CACNA1C: variants seen among roughly 807,000 people sequenced by gnomAD.
The protein encoded by CACNA1C is calcium voltage-gated channel subunit alpha1 C.
A neutral mutation model predicts 229.0 loss-of-function variants in CACNA1C; 30 were observed. That is an observed-to-expected ratio of 0.13 (90% CI 0.10 to 0.18). The LOEUF (loss-of-function observed/expected upper bound fraction) is 0.18, where lower values mean the gene tolerates loss of function less well. Among genes scored for constraint, CACNA1C ranks in the 10% least tolerant of loss-of-function variants. The pLI is 1.00. For synonymous variants in CACNA1C, 1,114 were observed against 1,132.5 expected (o/e 0.98, Z 0.33); for missense variants, 1,658 against 2,845.0 (o/e 0.58, Z 9.49).
chr12:2,160,540 G>A (rs1047416835), intron 3 of CACNA1C, among the ~76,000 whole-genome samples: 1 of 152,112 alleles, frequency 6.6e-6, no homozygotes, highest in Non-Finnish European at 1.5e-5. Flanking sequence ...AGTAGTTTGC[G>A]TCTTGAAGAA....
At chr12:2,577,891 CGG>C (rs2059017489) in intron 13 of CACNA1C, among the ~76,000 whole-genome samples, 1 of 145,678 alleles carries the variant, frequency 6.9e-6, no homozygotes. Context: ...TTTTTTGAGA[CGG>C]AGTCTCGCTC....
At chr12:2,343,899 A>T (rs2096932435) in intron 3 of CACNA1C, among the ~76,000 whole-genome samples, 1 of 152,152 alleles carries the variant, frequency 6.6e-6, no homozygotes, top group Non-Finnish European at 1.5e-5. Flanking sequence ...TTGACTGTAA[A>T]AGTGTATTAC....
chr12:2,499,716 G>C (rs1302731268), intron 7 of CACNA1C, among the ~76,000 whole-genome samples: 1 of 152,166 alleles, frequency 6.6e-6, no homozygotes, highest in Non-Finnish European at 1.5e-5. Context: ...CCTTAGGAAA[G>C]TCAGGAGACC....
At chr12:2,382,162 C>T (rs372296322) in intron 3 of CACNA1C, among the ~76,000 whole-genome samples, 7 of 152,348 alleles carry the variant, frequency 4.6e-5, no homozygotes, top group African/African-American at 1.4e-4. Flanking sequence ...GGTATTCCTT[C>T]GCAAGTATAG....
At chr12:2,107,950 A>G (rs1037438588) in intron 1 of CACNA1C, among the ~76,000 whole-genome samples, 4 of 152,238 alleles carry the variant, frequency 2.6e-5, no homozygotes, top group African/African-American at 9.6e-5. Context: ...CTCTAGCCAC[A>G]TGTGACTATC....
intron 3 of CACNA1C, among the ~76,000 whole-genome samples, chr12:2,362,846 G>A (rs2154531482): frequency 6.6e-6 from 1 of 152,278 alleles, no homozygotes; most frequent in South Asian, 2.1e-4. Flanking sequence ...AGGCCCAGCG[G>A]GCATCAGGAC....
intron 3 of CACNA1C, among the ~76,000 whole-genome samples, chr12:2,260,233 T>TA (rs2079545513): frequency 1.3e-5 from 2 of 151,660 alleles, no homozygotes; most frequent in African/African-American, 4.8e-5. Context: ...ATCCCAGCAC[T>TA]TTAGGAGGCA....
chr12:2,449,109 T>C lies in CACNA1C; in HGVS notation c.611T>C (p.Val204Ala). 6.5e-7 allele frequency: 1 copy of C among 1,545,926 alleles called. No individual in the cohort carries two copies. The highest frequency in any genetic ancestry group is 8.7e-7 in the Non-Finnish European group (1 of 1,145,132). Residue 204 changes from valine (V) to alanine (A), a missense_variant, in exon 4 of 47, where the codon GTT becomes GCT. By Grantham distance (64) the Val-to-Ala change is moderately conservative. Around this residue, in one of 20 missense-constraint regions of CACNA1C, gnomAD observed 89 missense variants for 177.8 expected, o/e 0.50. Coordinates refer to ENST00000399655, the MANE Select transcript of CACNA1C (RefSeq NM_000719.7). ...GWNLLDFIIV[V>A]VGLFSAILEQ... is the part of the protein sequence containing the mutation. ...AACCTACTAGATTTTATAATTGTGG[T>C]TGTGGGGTAAGTATCACTGTCTGTT...
chr12:2,301,080 G>A (rs2094521695), intron 3 of CACNA1C, among the ~76,000 whole-genome samples: 1 of 152,156 alleles, frequency 6.6e-6, no homozygotes, highest in African/African-American at 2.4e-5. Context: ...GTGTCCTGTC[G>A]TGAGCCGGTC....
chr12:2,058,766 A>C (rs1255502720), intron 1 of CACNA1C, among the ~76,000 whole-genome samples: 2 of 152,236 alleles, frequency 1.3e-5, no homozygotes, highest in Non-Finnish European at 2.9e-5. Flanking sequence ...TGTCATTTCG[A>C]AGCCGGGTGT....
intron 5 of CACNA1C, among the ~76,000 whole-genome samples, chr12:2,468,943 A>G (rs1322344839): frequency 6.6e-6 from 1 of 152,192 alleles, no homozygotes; most frequent in East Asian, 1.9e-4. Flanking sequence ...TGCCCTCTGA[A>G]TCATGCGTAA....
intron 1 of CACNA1C, among the ~76,000 whole-genome samples, chr12:2,104,259 G>A (rs1390810770): frequency 6.6e-6 from 1 of 152,104 alleles, no homozygotes; most frequent in East Asian, 1.9e-4. Context: ...TTGAACAGTG[G>A]TTTGTAGTTC....
At chr12:2,530,213 T>C (rs1335329461) in intron 9 of CACNA1C, among the ~76,000 whole-genome samples, 2 of 152,004 alleles carry the variant, frequency 1.3e-5, no homozygotes, top group East Asian at 3.9e-4. Flanking sequence ...AAGGGAATTG[T>C]TGATGACCAA....
Position 2,340,722 on chromosome 12 carries a change from C to A in CACNA1C, c.478-108254C>A, listed in dbSNP as rs373855804. Among the ~76,000 whole-genome samples, 81 of 152,306 alleles carry A rather than the reference C, an allele frequency of 5.3e-4. 3 individuals are homozygous for A. The South Asian group carries it at 0.016, about 30-fold the overall frequency. ...CCTGTAATCCCAGCACTTTGGGAGG[C>A]CGAGGCTGGCAGATCACGAGGTCAG... On this transcript the variant is annotated intron_variant, in intron 3 of 46. Coordinates refer to ENST00000399655, the MANE Select transcript of CACNA1C (RefSeq NM_000719.7).
intron 3 of CACNA1C, among the ~76,000 whole-genome samples, chr12:2,199,068 T>C (rs1321934720): frequency 6.6e-6 from 1 of 152,210 alleles, no homozygotes; most frequent in Non-Finnish European, 1.5e-5. Context: ...GTCCATGATA[T>C]CTTGATAGAC....
At chr12:2,039,087 C>A (rs1170479511) in intron 1 of CACNA1C, among the ~76,000 whole-genome samples, 2 of 152,144 alleles carry the variant, frequency 1.3e-5, no homozygotes, top group Non-Finnish European at 2.9e-5. Context: ...TCTATGAGGC[C>A]AACAGACAGC....
intron 2 of CACNA1C, among the ~76,000 whole-genome samples, chr12:2,116,631 T>C (rs1017987684): frequency 6.6e-6 from 1 of 152,060 alleles, no homozygotes; most frequent in Non-Finnish European, 1.5e-5. Context: ...CCTCCCAAAG[T>C]GTTGGGATTA....
Position 2,107,468 on chromosome 12 carries a change from C to T in CACNA1C, c.50-7756C>T, listed in dbSNP as rs1186859138. ...GTGCTGAAACCACTGGGCGCCCACCCCGGGGAGGGTTTCCACCTCAGCTGG... is the reference window on the plus strand; with the variant it reads ...GTGCTGAAACCACTGGGCGCCCACCTCGGGGAGGGTTTCCACCTCAGCTGG... On this transcript the variant is annotated intron_variant, in intron 1 of 46. Transcript: ENST00000399655. 1.7e-4 allele frequency among the ~76,000 whole-genome samples: 21 copies of T among 125,414 alleles called. 1 individual carries two copies. Among genetic ancestry groups the T allele is most frequent in the Middle Eastern group, 4.5e-3 (1 of 224 alleles). 82.3% of individuals were successfully genotyped at this position (125,414 alleles called of 152,430 possible).
At chr12:2,438,362 A>ATGGTGGTGG (rs757317772) in intron 3 of CACNA1C, among the ~76,000 whole-genome samples, 1 of 130,892 alleles carries the variant, frequency 7.6e-6, no homozygotes, top group Non-Finnish European at 1.7e-5. Flanking sequence ...GGTGGTAATG[A>ATGGTGGTGG]TGGTGGTGGT....
Sources: allele counts gnomAD v4.1 joint callset (sites outside exome capture counted in the v4.1 genomes callset), GRCh38; gene constraint gnomAD v4.1.1; regional missense constraint gnomAD v4.1.1; transcripts MANE v1.5; gene names NCBI Gene and HGNC (gene_info 2026-07-23, HGNC 2026-07-21).